Variants in FAF1 observed in about 807,000 individuals in gnomAD.
FAF1 encodes the protein FAS-associated factor 1.
FAF1 carries 25 observed loss-of-function variants against 92.5 expected under a neutral mutation model. The observed-to-expected ratio is 0.27, with a 90% CI of 0.20 to 0.38. FAF1 has a LOEUF of 0.38. Ranked by LOEUF, FAF1 falls within the 10% of genes least tolerant of loss-of-function variation. The probability of loss-of-function intolerance (pLI) is 1.00; values close to 1 mark genes in which losing one functional copy is unlikely to be tolerated. For synonymous variants in FAF1, 234 were observed against 273.2 expected, an observed-to-expected ratio of 0.86 and a Z score of 1.42; for missense variants, 636 against 793.3, an observed-to-expected ratio of 0.80 and a Z score of 2.38.
intron 7 of FAF1, among the ~76,000 whole-genome samples, chr1:50,703,771 C>T (rs1657566575): frequency 6.6e-6 from 1 of 152,070 alleles, no homozygotes; most frequent in African/African-American, 2.4e-5. Context: ...ACATAGCAGG[C>T]CACGGAGAAC....
intron 5 of FAF1, among the ~76,000 whole-genome samples, chr1:50,743,652 G>A (rs1659475647): frequency 6.6e-6 from 1 of 152,014 alleles, no homozygotes. Flanking sequence ...CTAAGTTTAT[G>A]CCTGGCCATT....
chr1:50,459,786 A>G (rs1646402745), intron 18 of FAF1, among the ~76,000 whole-genome samples: 1 of 152,214 alleles, frequency 6.6e-6, no homozygotes, highest in African/African-American at 2.4e-5. Context: ...AGAAGTGGGG[A>G]AAAGGCAGAA....
At chr1:50,550,674 G>GA (rs1649270286) in intron 13 of FAF1, among the ~76,000 whole-genome samples, 1 of 151,976 alleles carries the variant, frequency 6.6e-6, no homozygotes, top group African/African-American at 2.4e-5. Flanking sequence ...TATCATTACT[G>GA]AAAAAAAGAT....
At chr1:50,627,104 A>G (rs1013149902) in intron 8 of FAF1, among the ~76,000 whole-genome samples, 1 of 152,154 alleles carries the variant, frequency 6.6e-6, no homozygotes, top group African/African-American at 2.4e-5. Context: ...AGTGAAGATG[A>G]TAAGAAGGCT....
intron 13 of FAF1, among the ~76,000 whole-genome samples, chr1:50,541,459 G>A (rs749660518): frequency 1.1e-4 from 17 of 152,112 alleles, no homozygotes; most frequent in Non-Finnish European, 1.9e-4. Flanking sequence ...TTAACTCATC[G>A]ATAGGGATGT....
At chr1:50,608,652 C>T (rs1652538643) in intron 8 of FAF1, among the ~76,000 whole-genome samples, 2 of 152,186 alleles carry the variant, frequency 1.3e-5, no homozygotes, top group African/African-American at 4.8e-5. Flanking sequence ...CAAAATGTCT[C>T]CCCCTATCTC....
intron 1 of FAF1, among the ~76,000 whole-genome samples, chr1:50,884,301 G>A (rs563225719): frequency 9.2e-5 from 14 of 152,050 alleles, no homozygotes; most frequent in Admixed American, 2.0e-4. Context: ...GATCACTTGA[G>A]GCCAGGGGTT....
chr1:50,472,368 T>TAC (rs71850142), intron 18 of FAF1, among the ~76,000 whole-genome samples: 14,015 of 123,678 alleles, frequency 0.11, 835 homozygotes, highest in East Asian at 0.19. Flanking sequence ...GGGGAAAACA[T>TAC]ACACACACAC....
chr1:50,485,667 C>CAAAAAAAAAAAAAAAAAAA (rs999538430), intron 17 of FAF1, among the ~76,000 whole-genome samples: 3 of 13,718 alleles, frequency 2.2e-4, no homozygotes, highest in African/African-American at 2.3e-4. Flanking sequence ...GAGACTGTCT[C>CAAAAAAAAAAAAAAAAAAA]AAAAAAAAAA....
chr1:50,595,220 A>G (rs1191468607), intron 9 of FAF1, among the ~76,000 whole-genome samples: 1 of 151,598 alleles, frequency 6.6e-6, no homozygotes, highest in East Asian at 2.0e-4. Context: ...ACACCCAACT[A>G]ATTTTGTATT....
At chr1:50,479,043 T>G (rs1402285128) in intron 17 of FAF1, among the ~76,000 whole-genome samples, 2 of 152,206 alleles carry the variant, frequency 1.3e-5, no homozygotes, top group Non-Finnish European at 2.9e-5. Context: ...CTTCTGACAG[T>G]GCAGTTTAAA....
intron 2 of FAF1, among the ~76,000 whole-genome samples, 188 bp from the exon 3 acceptor site, chr1:50,801,865 G>C (rs907381739): frequency 6.6e-6 from 1 of 151,998 alleles, no homozygotes; most frequent in African/African-American, 2.4e-5. Flanking sequence ...TTGTATTTTA[G>C]AAAATTTAAA....
intron 13 of FAF1, among the ~76,000 whole-genome samples, chr1:50,544,675 T>C (rs1313001521): frequency 1.3e-5 from 2 of 152,068 alleles, no homozygotes; most frequent in African/African-American, 4.8e-5. Flanking sequence ...TCCAATCTGA[T>C]CTGAAAAAAA....
chr1:50,638,255 CA>C (rs1015980033), intron 8 of FAF1, among the ~76,000 whole-genome samples: 6 of 151,682 alleles, frequency 4.0e-5, no homozygotes, highest in Non-Finnish European at 8.8e-5. Context: ...TTTTGTAAAA[CA>C]AAAAAAGTTT....
At chr1:50,813,024 C>T (rs923737836) in intron 2 of FAF1, among the ~76,000 whole-genome samples, 2 of 152,036 alleles carry the variant, frequency 1.3e-5, no homozygotes, top group African/African-American at 2.4e-5. Flanking sequence ...TACTCAGTTA[C>T]ATAGATACAA....
intron 7 of FAF1, among the ~76,000 whole-genome samples, chr1:50,702,810 T>C (rs942888973): frequency 3.9e-5 from 6 of 152,134 alleles, no homozygotes; most frequent in African/African-American, 1.4e-4. Context: ...CATATGGTCA[T>C]TGAATAGTTT....
chr1:50,822,199 A>G (rs1644049565), intron 2 of FAF1, among the ~76,000 whole-genome samples: 1 of 152,082 alleles, frequency 6.6e-6, no homozygotes, highest in Non-Finnish European at 1.5e-5. Flanking sequence ...TAACCATTCC[A>G]CAATCTGTTT....
chr1:50,512,003 G>A (rs1426100983), intron 15 of FAF1, among the ~76,000 whole-genome samples: 2 of 152,178 alleles, frequency 1.3e-5, no homozygotes, highest in Admixed American at 6.5e-5. Context: ...CAGTGATGAC[G>A]AGCTTTTTTT....
chr1:50,819,740 CATATATAT>C (rs1553142997), intron 2 of FAF1, among the ~76,000 whole-genome samples: 1 of 28,036 alleles, frequency 3.6e-5, no homozygotes, highest in Non-Finnish European at 6.4e-5. Context: ...CATATATATA[CATATATAT>C]ATACATATAT....
Sources: gnomAD v4.1 joint callset for allele counts (sites outside exome capture counted in the v4.1 genomes callset) on GRCh38, gnomAD v4.1.1 for gene constraint, MANE v1.5 for transcripts, NCBI Gene and HGNC (gene_info 2026-07-23, HGNC 2026-07-21) for gene names.